ABHD12: variants seen among roughly 807,000 people sequenced by gnomAD.
The protein encoded by ABHD12 is lysophosphatidylserine lipase ABHD12.
ABHD12 carries 43 observed loss-of-function variants against 58.3 expected under a neutral mutation model. The observed-to-expected ratio is 0.74, with a 90% CI of 0.58 to 0.95. The LOEUF is 0.95. ABHD12 is among the 40% of genes least tolerant of loss of function. The pLI, the probability that ABHD12 is intolerant of heterozygous loss-of-function variation, is 0.00. For missense variants in ABHD12, 539 were observed against 537.2 expected, an observed-to-expected ratio of 1.00 and a Z score of -0.03; for synonymous variants, 219 against 211.2, an observed-to-expected ratio of 1.04 and a Z score of -0.32.
At chr20:25,324,217 T>C (rs1254353531) in intron 2 of ABHD12, among the ~76,000 whole-genome samples, 4 of 152,068 alleles carry the variant, frequency 2.6e-5, no homozygotes, top group African/African-American at 9.7e-5. Context: ...AAGGTGACTG[T>C]GGGTGCGGGT....
intron 10 of ABHD12, among the ~76,000 whole-genome samples, chr20:25,306,232 T>C (rs2088737992): frequency 6.6e-6 from 1 of 151,732 alleles, no homozygotes; most frequent in Non-Finnish European, 1.5e-5. Context: ...TGTTTTAATA[T>C]GTGTTTTGGT....
At chr20:25,388,380 C>G (rs554101409) in intron 1 of ABHD12, among the ~76,000 whole-genome samples, 1 of 152,190 alleles carries the variant, frequency 6.6e-6, no homozygotes, top group Non-Finnish European at 1.5e-5. Flanking sequence ...AGCTCCTGTT[C>G]TCATGGCGCT....
chr20:25,353,948 G>A (rs1043740187), intron 1 of ABHD12, among the ~76,000 whole-genome samples: 1 of 152,176 alleles, frequency 6.6e-6, no homozygotes, highest in Admixed American at 6.5e-5. Context: ...CTCCCCTGCC[G>A]CTGACATTTG....
intron 1 of ABHD12, among the ~76,000 whole-genome samples, chr20:25,388,517 G>T (rs2090124975): frequency 6.6e-6 from 1 of 152,164 alleles, no homozygotes; most frequent in African/African-American, 2.4e-5. Flanking sequence ...CAGAGCCTGA[G>T]CGAGGAAGAG....
chr20:25,308,722 C>T (rs529069010), intron 7 of ABHD12, among the ~76,000 whole-genome samples: 30 of 152,278 alleles, frequency 2.0e-4, no homozygotes, highest in South Asian at 4.1e-4. Context: ...TCAGCTTGTC[C>T]CCGAGGTGTG....
intron 1 of ABHD12, among the ~76,000 whole-genome samples, chr20:25,387,768 C>T (rs1394955613): frequency 1.3e-5 from 2 of 151,266 alleles, no homozygotes; most frequent in African/African-American, 4.9e-5. Context: ...CCAGGCCGGG[C>T]GCTGTGGCTC....
intron 1 of ABHD12, chr20:25,339,706 A>G (rs1216717085): frequency 2.9e-6 from 4 of 1,370,888 alleles, no homozygotes; most frequent in Non-Finnish European, 3.9e-6. Flanking sequence ...TCGTATCAGG[A>G]AAGAGCGGCC....
rs868628773 is a variant in ABHD12 at position 25,383,968 on chromosome 20, A to G, written c.191+6545T>C. On this transcript the variant is annotated intron_variant, in intron 1 of 12. Coordinates refer to ENST00000339157, the MANE Select transcript of ABHD12 (RefSeq NM_001042472.3). ...AGACTCTTTCTCAAAAAAAAAAAAA[A>G]AAAAAAGAAAAAAAAGAAAAAAAAT... is the stretch of plus-strand genomic sequence containing the variant. Among the ~76,000 whole-genome samples the G allele has an allele frequency of 4.3e-4, 56 of 131,678 alleles. 2 individuals are homozygous for G. Among genetic ancestry groups the G allele is most frequent in the Middle Eastern group, 3.8e-3 (1 of 264 alleles). The allele number at this position is 131,678 out of a possible 152,430, so 86.4% of individuals were successfully genotyped here.
At chr20:25,295,549 C>A, downstream of ABHD12, 3 of 1,548,158 alleles carry the variant, frequency 1.9e-6, no homozygotes, top group Non-Finnish European at 2.7e-6. Flanking sequence ...CCCCTCGGGA[C>A]AGTGTGGGCA....
intron 2 of ABHD12, among the ~76,000 whole-genome samples, chr20:25,328,676 C>T (rs1254134884): frequency 6.6e-6 from 1 of 152,208 alleles, no homozygotes; most frequent in Admixed American, 6.5e-5. Context: ...CCCAAGAAAT[C>T]TAAGAACTAG....
chr20:25,315,242 T>C (rs2088938103), intron 5 of ABHD12, among the ~76,000 whole-genome samples: 1 of 151,846 alleles, frequency 6.6e-6, no homozygotes, highest in African/African-American at 2.4e-5. Flanking sequence ...AGGAGCAGTG[T>C]CCGGCCGCAG....
At chr20:25,329,231 G>GT (rs1354767890) in intron 2 of ABHD12, among the ~76,000 whole-genome samples, 1 of 152,228 alleles carries the variant, frequency 6.6e-6, no homozygotes, top group Non-Finnish European at 1.5e-5. Flanking sequence ...GCTAAGCCCT[G>GT]TGGCAGCCCC....
At position 25,390,683 on chromosome 20, in the gene ABHD12, G is replaced by A. The variant is rs1215569347; in HGVS notation, c.21C>T (p.Pro7=). The A allele has an allele frequency of 3.5e-6, 5 of 1,417,774 alleles. No individual in the cohort carries two copies. The South Asian group carries it at 4.2e-5, about 12-fold the overall frequency. The allele number at this position is 1,417,774 out of a possible 1,614,324, so 87.8% of individuals were successfully genotyped here. A position where few individuals can be genotyped will look rare whatever the true frequency, so the allele number is the denominator to read the frequency against. The part of the protein sequence containing the change: MRKRTE[P]VALEHERCAA... Reference sequence around the variant, plus strand: ...CGCAGCGCTCATGCTCCAAGGCGACGGGCTCGGTCCGCTTCCTCATCCCGC... The same window carrying A: ...CGCAGCGCTCATGCTCCAAGGCGACAGGCTCGGTCCGCTTCCTCATCCCGC... Residue 7 remains proline (P), a synonymous_variant, in exon 1 of 13, where the codon CCC becomes CCT. Transcript: ENST00000339157.
At chr20:25,327,996 A>G (rs1161161068) in intron 2 of ABHD12, among the ~76,000 whole-genome samples, 3 of 151,968 alleles carry the variant, frequency 2.0e-5, no homozygotes, top group Non-Finnish European at 4.4e-5. Context: ...GACCATCAGC[A>G]CTTCCAGCTC....
At chr20:25,338,946 C>T (rs1237435075) in intron 2 of ABHD12, 2 of 1,220,554 alleles carry the variant, frequency 1.6e-6, no homozygotes, top group South Asian at 1.6e-5. Flanking sequence ...GACAGAAATC[C>T]AGTGCTGGGG....
intron 1 of ABHD12, among the ~76,000 whole-genome samples, chr20:25,343,046 T>C (rs943856077): frequency 6.6e-6 from 1 of 152,174 alleles, no homozygotes; most frequent in Admixed American, 6.5e-5. Context: ...CCACCTACCT[T>C]GGCCTCCCAA....
intron 1 of ABHD12, among the ~76,000 whole-genome samples, chr20:25,352,419 G>T (rs1222551580): frequency 1.3e-5 from 2 of 152,118 alleles, no homozygotes; most frequent in Non-Finnish European, 1.5e-5. Flanking sequence ...CTCCCAAGTA[G>T]CTGGGACTAC....
chr20:25,318,452 T>C (rs2089003179), intron 4 of ABHD12, among the ~76,000 whole-genome samples: 1 of 152,178 alleles, frequency 6.6e-6, no homozygotes, highest in Non-Finnish European at 1.5e-5. Flanking sequence ...AAAGGAACAG[T>C]TGCTGGGAAT....
chr20:25,368,712 G>A (rs973511491), intron 1 of ABHD12: 37 of 1,287,202 alleles, frequency 2.9e-5, no homozygotes, highest in Middle Eastern at 1.9e-4. Context: ...TGAAGGAGAC[G>A]CGGCCCAAGG....
Sources: allele counts gnomAD v4.1 joint callset (sites outside exome capture counted in the v4.1 genomes callset), GRCh38; gene constraint gnomAD v4.1.1; transcripts MANE v1.5; gene names NCBI Gene and HGNC (gene_info 2026-07-23, HGNC 2026-07-21).